The following LRP1B variants were observed in gnomAD, a reference collection of about 807,000 sequenced individuals.
LRP1B encodes the protein low-density lipoprotein receptor-related protein 1B.
In LRP1B, 217 loss-of-function variants were observed where a neutral mutation model predicts 556.6. That is an observed-to-expected ratio of 0.39 (90% CI 0.35 to 0.44). The LOEUF (loss-of-function observed/expected upper bound fraction) is 0.44, where lower values mean the gene tolerates loss of function less well. Among genes scored for constraint, LRP1B ranks in the 20% least tolerant of loss-of-function variants. The pLI, the probability that LRP1B is intolerant of heterozygous loss-of-function variation, is 1.00. For synonymous variants in LRP1B, 2,047 were observed against 1,865.8 expected (o/e 1.10, Z -2.50); for missense variants, 5,053 against 5,620.8 (o/e 0.90, Z 3.23).
intron 41 of LRP1B, among the ~76,000 whole-genome samples, chr2:140,685,872 A>T (rs1686028670): frequency 6.6e-6 from 1 of 152,194 alleles, no homozygotes; most frequent in African/African-American, 2.4e-5. Context: ...AGATAAAAAT[A>T]AAACAAAAGG....
At chr2:141,341,027 T>C (rs1319010332) in intron 3 of LRP1B, among the ~76,000 whole-genome samples, 1 of 152,294 alleles carries the variant, frequency 6.6e-6, no homozygotes, top group African/African-American at 2.4e-5. Context: ...ATGATCTAGA[T>C]TTTCAATTCT....
At chr2:140,659,279 G>A (rs549267706) in intron 41 of LRP1B, among the ~76,000 whole-genome samples, 1 of 151,888 alleles carries the variant, frequency 6.6e-6, no homozygotes, top group East Asian at 1.9e-4. Context: ...GATACTTTAT[G>A]AGTAGTAGAT....
chr2:140,991,815 G>A (rs1225890356), intron 16 of LRP1B, among the ~76,000 whole-genome samples: 1 of 151,980 alleles, frequency 6.6e-6, no homozygotes, highest in Non-Finnish European at 1.5e-5. Flanking sequence ...TTGCAGAGGA[G>A]AAAAACAGGA....
At chr2:141,779,083 C>A (rs771551800) in intron 2 of LRP1B, among the ~76,000 whole-genome samples, 3 of 152,084 alleles carry the variant, frequency 2.0e-5, no homozygotes, top group Non-Finnish European at 4.4e-5. Context: ...TTTATTCCCA[C>A]TTTTACTAAA....
At chr2:140,835,042 C>T (rs1199475106) in intron 31 of LRP1B, among the ~76,000 whole-genome samples, 1 of 152,144 alleles carries the variant, frequency 6.6e-6, no homozygotes, top group Non-Finnish European at 1.5e-5. Flanking sequence ...CTGCTAATAA[C>T]TTTTCTCAAT....
At chr2:140,258,732 A>G (rs1358418793) in intron 86 of LRP1B, among the ~76,000 whole-genome samples, 1 of 152,164 alleles carries the variant, frequency 6.6e-6, no homozygotes, top group East Asian at 1.9e-4. Context: ...CCGTATTAAG[A>G]TGAGAAAAGA....
At chr2:141,314,807 A>ATTTATATATAT (rs1265044831) in intron 3 of LRP1B, among the ~76,000 whole-genome samples, 2 of 68,392 alleles carry the variant, frequency 2.9e-5, no homozygotes, top group African/African-American at 1.0e-4. Context: ...AAAAAAAAAA[A>ATTTATATATAT]ATTTATATAT....
At chr2:140,719,519 C>A (rs544545563) in intron 35 of LRP1B, among the ~76,000 whole-genome samples, 13 of 152,172 alleles carry the variant, frequency 8.5e-5, no homozygotes, top group South Asian at 8.3e-4. Flanking sequence ...CCCATATACA[C>A]CATGACATCT....
chr2:140,652,066 A>T (rs113645605), intron 41 of LRP1B, among the ~76,000 whole-genome samples: 8,834 of 152,226 alleles, frequency 0.058, 303 homozygotes, highest in Admixed American at 0.078. Context: ...TTTATAAAAA[A>T]AAGTAGCAGA....
intron 1 of LRP1B, among the ~76,000 whole-genome samples, chr2:141,960,401 C>T (rs1165782854): frequency 6.6e-6 from 1 of 151,884 alleles, no homozygotes; most frequent in Non-Finnish European, 1.5e-5. Flanking sequence ...TTCCCACATA[C>T]TCCATTTCCC....
chr2:140,780,583 C>A (rs578161837), intron 32 of LRP1B, among the ~76,000 whole-genome samples: 4 of 152,106 alleles, frequency 2.6e-5, no homozygotes, highest in Non-Finnish European at 5.9e-5. Context: ...CTCACCCTCT[C>A]GGACCCAATG....
chr2:141,687,288 T>G (rs529435275), intron 2 of LRP1B, among the ~76,000 whole-genome samples: 1 of 151,960 alleles, frequency 6.6e-6, no homozygotes. Flanking sequence ...ATAACATTAA[T>G]AGGTTATTTA....
At chr2:141,526,131 C>T (rs988937099) in intron 2 of LRP1B, among the ~76,000 whole-genome samples, 9 of 151,980 alleles carry the variant, frequency 5.9e-5, no homozygotes, top group Non-Finnish European at 1.3e-4. Flanking sequence ...AACTGCTATG[C>T]ATACTGTCTC....
intron 2 of LRP1B, among the ~76,000 whole-genome samples, chr2:141,770,236 G>A (rs1215726141): frequency 1.3e-5 from 2 of 150,874 alleles, no homozygotes; most frequent in Non-Finnish European, 2.9e-5. Context: ...TTTCTCTTAT[G>A]CACTTCCCTT....
intron 7 of LRP1B, among the ~76,000 whole-genome samples, chr2:141,165,996 C>A (rs867274834): frequency 3.3e-5 from 5 of 151,956 alleles, no homozygotes; most frequent in Admixed American, 3.3e-4. Context: ...ACAGGTAATA[C>A]CCTAGTGCAA....
chr2:140,445,305 T>C (rs962263713), intron 63 of LRP1B, among the ~76,000 whole-genome samples: 2 of 151,768 alleles, frequency 1.3e-5, no homozygotes, highest in African/African-American at 2.4e-5. Flanking sequence ...TTAGTAGAGA[T>C]AGGGTTTCAC....
chr2:140,495,528 A>G (rs780666886), intron 56 of LRP1B, 37 bp downstream of exon 56: 1 of 1,544,848 alleles, frequency 6.5e-7, no homozygotes, highest in Non-Finnish European at 8.9e-7. Flanking sequence ...CATATGTATA[A>G]CTGAGGTTGG....
chr2:141,769,111 A>T (rs886319295), intron 2 of LRP1B, among the ~76,000 whole-genome samples: 1 of 152,176 alleles, frequency 6.6e-6, no homozygotes, highest in Middle Eastern at 3.4e-3. Flanking sequence ...GAGATTCCAA[A>T]CCCAGAGCAC....
chr2:140,750,508 C>T (rs1688539259), intron 35 of LRP1B, among the ~76,000 whole-genome samples: 1 of 152,104 alleles, frequency 6.6e-6, no homozygotes, highest in Admixed American at 6.5e-5. Flanking sequence ...ATCTGTATTG[C>T]TTTGAGTAAG....
Sources: allele counts gnomAD v4.1 joint callset (sites outside exome capture counted in the v4.1 genomes callset), GRCh38; gene constraint gnomAD v4.1.1; transcripts MANE v1.5; gene names NCBI Gene and HGNC (gene_info 2026-07-23, HGNC 2026-07-21).